KSR2: variants seen among roughly 807,000 people sequenced by gnomAD.
KSR2 encodes kinase suppressor of ras 2.
A neutral mutation model predicts 107.8 loss-of-function variants in KSR2; 25 were observed. The ratio of observed to expected loss-of-function variants is 0.23; its 90% CI spans 0.17 to 0.32. The LOEUF (loss-of-function observed/expected upper bound fraction) is 0.32. Among genes scored for constraint, KSR2 ranks in the 10% least tolerant of loss-of-function variants. The probability of loss-of-function intolerance (pLI) is 1.00; values close to 1 mark genes in which losing one functional copy is unlikely to be tolerated. For missense variants in KSR2, 887 were observed against 1,268.9 expected, an observed-to-expected ratio of 0.70 and a Z score of 4.57; for synonymous variants, 480 against 507.0, an observed-to-expected ratio of 0.95 and a Z score of 0.71.
chr12:117,685,322 G>A (rs146560937), intron 4 of KSR2, among the ~76,000 whole-genome samples: 31 of 152,270 alleles, frequency 2.0e-4, no homozygotes, highest in Non-Finnish European at 4.0e-4. Context: ...CATCATTTCC[G>A]ACTGAACCAG....
intron 5 of KSR2, among the ~76,000 whole-genome samples, chr12:117,595,988 T>G (rs1880618997): frequency 1.3e-5 from 2 of 152,158 alleles, no homozygotes; most frequent in African/African-American, 4.8e-5. Context: ...GACACATCAG[T>G]TGAGCCCCTG....
At chr12:117,869,329 G>A (rs7301323) in intron 1 of KSR2, among the ~76,000 whole-genome samples, 26,443 of 151,960 alleles carry the variant, frequency 0.17, 2,557 homozygotes, top group African/African-American at 0.23. Flanking sequence ...CAGAGATCAC[G>A]CCACTGCACT....
chr12:117,624,432 T>C (rs970172061), intron 5 of KSR2, among the ~76,000 whole-genome samples: 1 of 152,254 alleles, frequency 6.6e-6, no homozygotes, highest in African/African-American at 2.4e-5. Flanking sequence ...TTCAGCTTTC[T>C]ACATATGGCT....
At chr12:117,485,801 A>G (rs1872430562) in intron 14 of KSR2, 110 bp from the exon 15 acceptor site, 3 of 724,180 alleles carry the variant, frequency 4.1e-6, no homozygotes, top group African/African-American at 1.7e-5. Flanking sequence ...ACATGCCACT[A>G]TTGTGCTTAT....
chr12:117,778,270 T>C (rs1235177291), intron 3 of KSR2, among the ~76,000 whole-genome samples: 1 of 152,032 alleles, frequency 6.6e-6, no homozygotes, highest in Non-Finnish European at 1.5e-5. Context: ...TTTGTATTTT[T>C]AGTAGAGATG....
chr12:117,629,338 T>G (rs1405597038), intron 5 of KSR2, among the ~76,000 whole-genome samples: 1 of 152,252 alleles, frequency 6.6e-6, no homozygotes, highest in Non-Finnish European at 1.5e-5. Flanking sequence ...CTTGGAATGC[T>G]TTCTATGCCT....
chr12:117,935,082 C>T (rs1376053295), intron 1 of KSR2, among the ~76,000 whole-genome samples: 1 of 152,132 alleles, frequency 6.6e-6, no homozygotes, highest in South Asian at 2.1e-4. Context: ...CCTGCTTCAA[C>T]CTCCCAAAGC....
intron 4 of KSR2, among the ~76,000 whole-genome samples, chr12:117,759,960 T>A (rs1278816969): frequency 6.6e-6 from 1 of 152,116 alleles, no homozygotes; most frequent in Non-Finnish European, 1.5e-5. Flanking sequence ...CTACAAAAAA[T>A]TAGCCAGGCG....
At chr12:117,835,229 G>A (rs1892152772) in intron 3 of KSR2, among the ~76,000 whole-genome samples, 1 of 152,168 alleles carries the variant, frequency 6.6e-6, no homozygotes, top group African/African-American at 2.4e-5. Flanking sequence ...CCTTTCATGG[G>A]TGATCAGGAG....
intron 4 of KSR2, among the ~76,000 whole-genome samples, chr12:117,739,321 C>G (rs1286417873): frequency 1.6e-4 from 25 of 152,156 alleles, no homozygotes; most frequent in Admixed American, 1.4e-3. Context: ...CGCCACTGCA[C>G]TCCAGCCTGG....
chr12:117,568,276 G>T (rs1264503567), intron 7 of KSR2, among the ~76,000 whole-genome samples: 7 of 152,176 alleles, frequency 4.6e-5, no homozygotes, highest in African/African-American at 1.7e-4. Context: ...AGAACACAAA[G>T]ATCCATTTGT....
chr12:117,909,710 C>T (rs958476586), intron 1 of KSR2, among the ~76,000 whole-genome samples: 3 of 151,516 alleles, frequency 2.0e-5, no homozygotes, highest in African/African-American at 7.3e-5. Context: ...CAAGACCAGC[C>T]TGGCCAACAT....
chr12:117,856,875 A>C (rs1893120843), intron 2 of KSR2, among the ~76,000 whole-genome samples: 1 of 152,106 alleles, frequency 6.6e-6, no homozygotes. Context: ...GAAAGAAGAA[A>C]ACTGTCTCAG....
chr12:117,739,152 G>A lies in KSR2; in HGVS notation c.986+21859C>T, dbSNP rs962503646. On this transcript the variant is annotated intron_variant, in intron 4 of 19. Coordinates refer to ENST00000339824, the MANE Select transcript of KSR2 (RefSeq NM_173598.6). ...GGGCAGATCACGAGGTCAGGAGACTGAGACTATCCTGGCTGACACGGTGAA... is the reference window on the plus strand; with the variant it reads ...GGGCAGATCACGAGGTCAGGAGACTAAGACTATCCTGGCTGACACGGTGAA... Among the ~76,000 whole-genome samples, 8 of 152,288 alleles carry A rather than the reference G, an allele frequency of 5.3e-5. No homozygotes were observed. In the East Asian group the frequency reaches 9.7e-4, roughly 18 times the overall value.
chr12:117,671,454 G>A (rs144913212), intron 4 of KSR2, among the ~76,000 whole-genome samples: 1 of 152,308 alleles, frequency 6.6e-6, no homozygotes, highest in East Asian at 1.9e-4. Flanking sequence ...TGAGGGCAAT[G>A]ACTCTGTGCT....
chr12:117,692,950 A>G (rs1885893674), intron 4 of KSR2, among the ~76,000 whole-genome samples: 1 of 152,208 alleles, frequency 6.6e-6, no homozygotes, highest in Non-Finnish European at 1.5e-5. Context: ...TTTTGGGATG[A>G]TGAAAATATT....
At chr12:117,471,401 C>A (rs922516181) in intron 17 of KSR2, 81 bp from the exon 18 acceptor site, 3 of 1,463,644 alleles carry the variant, frequency 2.0e-6, no homozygotes, top group African/African-American at 2.8e-5. Context: ...CACACACCCA[C>A]CCAGCCAGTC....
At chr12:117,594,681 A>G (rs1056232064) in intron 5 of KSR2, among the ~76,000 whole-genome samples, 5 of 152,176 alleles carry the variant, frequency 3.3e-5, no homozygotes, top group African/African-American at 1.2e-4. Context: ...CATACCCCCA[A>G]GAACTTGGAG....
chr12:117,947,439 A>G (rs189584567), intron 1 of KSR2, among the ~76,000 whole-genome samples: 19 of 152,234 alleles, frequency 1.2e-4, no homozygotes, highest in Admixed American at 5.9e-4. Flanking sequence ...TAAACCTAAC[A>G]TCATTATTAA....
Sources: allele counts gnomAD v4.1 joint callset (sites outside exome capture counted in the v4.1 genomes callset), GRCh38; gene constraint gnomAD v4.1.1; transcripts MANE v1.5; gene names NCBI Gene and HGNC (gene_info 2026-07-23, HGNC 2026-07-21).